FAF1: variants seen among roughly 807,000 people sequenced by gnomAD.
FAF1 encodes FAS-associated factor 1.
FAF1 carries 25 observed loss-of-function variants against 92.5 expected under a neutral mutation model. That is an observed-to-expected ratio of 0.27 (90% CI 0.20 to 0.38). FAF1 has a LOEUF of 0.38. FAF1 is among the 10% of genes least tolerant of loss of function. FAF1 has a pLI of 1.00. For missense variants in FAF1, 636 were observed against 793.3 expected, an observed-to-expected ratio of 0.80 and a Z score of 2.38; for synonymous variants, 234 against 273.2, an observed-to-expected ratio of 0.86 and a Z score of 1.42.
chr1:50,792,486 A>T (rs1661598352), intron 3 of FAF1, among the ~76,000 whole-genome samples: 2 of 152,176 alleles, frequency 1.3e-5, no homozygotes, highest in Non-Finnish European at 2.9e-5. Context: ...CTTAGCTTAA[A>T]CTCTTAATAG....
intron 18 of FAF1, among the ~76,000 whole-genome samples, chr1:50,463,036 A>G (rs1646452084): frequency 6.6e-6 from 1 of 152,214 alleles, no homozygotes; most frequent in Non-Finnish European, 1.5e-5. Context: ...CCCAGAACTG[A>G]TAAGAGTAGC....
At chr1:50,913,393 C>G (rs1644899738) in intron 1 of FAF1, among the ~76,000 whole-genome samples, 1 of 152,176 alleles carries the variant, frequency 6.6e-6, no homozygotes, top group Non-Finnish European at 1.5e-5. Context: ...TTAAAGAGAT[C>G]AAGTGGCATG....
At chr1:50,647,450 CT>C in intron 8 of FAF1, among the ~76,000 whole-genome samples, 1 of 152,154 alleles carries the variant, frequency 6.6e-6, no homozygotes, top group South Asian at 2.1e-4. Flanking sequence ...TGGAGTCTCT[CT>C]GAATCTGCTA....
intron 12 of FAF1, among the ~76,000 whole-genome samples, chr1:50,579,361 T>C (rs1373762160): frequency 6.6e-6 from 1 of 152,180 alleles, no homozygotes; most frequent in African/African-American, 2.4e-5. Context: ...TTTTGGGAGC[T>C]ACAGTTTAAG....
chr1:50,837,433 G>A (rs546863912), intron 2 of FAF1, among the ~76,000 whole-genome samples: 7 of 152,082 alleles, frequency 4.6e-5, no homozygotes, highest in African/African-American at 9.6e-5. Context: ...CTCCAATTTC[G>A]ACGTGCCTGG....
intron 2 of FAF1, among the ~76,000 whole-genome samples, chr1:50,816,308 C>G (rs978461374): frequency 1.3e-5 from 2 of 151,098 alleles, no homozygotes; most frequent in Non-Finnish European, 3.0e-5. Context: ...GTGTTCACGC[C>G]ATTCTCCTGC....
chr1:50,885,252 T>C (rs914680944), intron 1 of FAF1, among the ~76,000 whole-genome samples: 50 of 152,006 alleles, frequency 3.3e-4, no homozygotes, highest in Non-Finnish European at 1.5e-4. Context: ...TTGAAGTCTC[T>C]AGCTATTATT....
intron 16 of FAF1, 41 bp from the exon 17 acceptor site, chr1:50,490,706 C>CATATTTATGGGATATGGGAGATATT: frequency 8.6e-7 from 1 of 1,167,142 alleles, no homozygotes; most frequent in Non-Finnish European, 1.3e-6. Context: ...TTAACACATA[C>CATATTTATGGGATATGGGAGATATT]TTGTTTACAA....
At chr1:50,848,981 A>G (rs1180846000) in intron 2 of FAF1, among the ~76,000 whole-genome samples, 1 of 152,204 alleles carries the variant, frequency 6.6e-6, no homozygotes, top group African/African-American at 2.4e-5. Context: ...GTACTAAGCC[A>G]GGCGCAGTGG....
At chr1:50,444,514 G>C (rs527499158) in intron 18 of FAF1, among the ~76,000 whole-genome samples, 1 of 152,290 alleles carries the variant, frequency 6.6e-6, no homozygotes, top group East Asian at 1.9e-4. Context: ...AAATCACAGG[G>C]AAGCAGAACC....
chr1:50,616,674 T>C (rs1459460870), intron 8 of FAF1, among the ~76,000 whole-genome samples: 1 of 151,056 alleles, frequency 6.6e-6, no homozygotes, highest in African/African-American at 2.5e-5. Flanking sequence ...CTGATTTTTG[T>C]ATACTGATTT....
chr1:50,466,365 T>G (rs1646495905), intron 18 of FAF1, among the ~76,000 whole-genome samples: 1 of 152,154 alleles, frequency 6.6e-6, no homozygotes, highest in Non-Finnish European at 1.5e-5. Context: ...ACAGTAGGAA[T>G]CAGGAATTAA....
chr1:50,547,699 C>A (rs1234523813), intron 13 of FAF1, among the ~76,000 whole-genome samples: 1 of 152,186 alleles, frequency 6.6e-6, no homozygotes, highest in African/African-American at 2.4e-5. Context: ...CAGGCGTGAG[C>A]CACCGCGCCC....
chr1:50,553,319 G>A (rs1649400475), intron 13 of FAF1, among the ~76,000 whole-genome samples: 2 of 152,110 alleles, frequency 1.3e-5, no homozygotes, highest in Middle Eastern at 3.2e-3. Flanking sequence ...ATACAGAGAA[G>A]AAGAAAAATT....
intron 1 of FAF1, among the ~76,000 whole-genome samples, chr1:50,920,607 G>T (rs1055492407): frequency 6.6e-6 from 1 of 152,220 alleles, no homozygotes; most frequent in Non-Finnish European, 1.5e-5. Context: ...TCCCAGCAAT[G>T]CAAGGTTGGT....
At chr1:50,734,565 T>C (rs1659060869) in intron 6 of FAF1, among the ~76,000 whole-genome samples, 1 of 151,924 alleles carries the variant, frequency 6.6e-6, no homozygotes, top group Admixed American at 6.6e-5. Flanking sequence ...AAACCCTGTC[T>C]CTACTAAATA....
chr1:50,852,546 G>A (rs1299346681), intron 2 of FAF1, among the ~76,000 whole-genome samples: 1 of 152,098 alleles, frequency 6.6e-6, no homozygotes, highest in Non-Finnish European at 1.5e-5. Context: ...ATTTATAAGT[G>A]GTAGGAAGAA....
intron 8 of FAF1, among the ~76,000 whole-genome samples, chr1:50,632,206 G>T (rs563467319): frequency 6.6e-6 from 1 of 152,260 alleles, no homozygotes; most frequent in East Asian, 1.9e-4. Flanking sequence ...AATATCATTT[G>T]AAAATGTCAT....
intron 1 of FAF1, among the ~76,000 whole-genome samples, chr1:50,893,136 TTC>T (rs1459647389): frequency 1.3e-5 from 2 of 152,172 alleles, no homozygotes; most frequent in Non-Finnish European, 2.9e-5. Flanking sequence ...CTCTTTGGAA[TTC>T]TCTGTCTGAA....
Sources: gnomAD v4.1 joint callset for allele counts (sites outside exome capture counted in the v4.1 genomes callset) on GRCh38, gnomAD v4.1.1 for gene constraint, MANE v1.5 for transcripts, NCBI Gene and HGNC (gene_info 2026-07-23, HGNC 2026-07-21) for gene names.